KCNS3: variants seen among roughly 807,000 people sequenced by gnomAD.
The protein encoded by KCNS3 is potassium voltage-gated channel modifier subfamily S member 3.
In KCNS3, 13 loss-of-function variants were observed where a neutral mutation model predicts 31.0. That is an observed-to-expected ratio of 0.42 (90% CI 0.27 to 0.67). The LOEUF (loss-of-function observed/expected upper bound fraction) is 0.67. Among genes scored for constraint, KCNS3 ranks in the 30% least tolerant of loss-of-function variants. KCNS3 has a pLI of 0.25. For missense variants in KCNS3, 545 were observed against 622.4 expected, an observed-to-expected ratio of 0.88 and a Z score of 1.32; for synonymous variants, 238 against 241.5, an observed-to-expected ratio of 0.99 and a Z score of 0.13.
chr2:17,909,256 C>G (rs980533959), intron 1 of KCNS3, among the ~76,000 whole-genome samples: 2 of 152,140 alleles, frequency 1.3e-5, no homozygotes, highest in East Asian at 1.9e-4. Context: ...ACCCTCCAAG[C>G]CATGCATGGG....
At chr2:17,900,629 A>G (rs138497937) in intron 1 of KCNS3, among the ~76,000 whole-genome samples, 1 of 152,238 alleles carries the variant, frequency 6.6e-6, no homozygotes, top group East Asian at 1.9e-4. Context: ...AGCTGGGACT[A>G]CAGGCGTGTG....
chr2:17,888,200 T>G (rs936859150), intron 1 of KCNS3, among the ~76,000 whole-genome samples: 2 of 152,156 alleles, frequency 1.3e-5, no homozygotes, highest in Non-Finnish European at 2.9e-5. Context: ...TCCCAGCTAT[T>G]TATCTTTGTT....
At chr2:17,928,694 T>C (rs1348729055) in intron 2 of KCNS3, among the ~76,000 whole-genome samples, 1 of 151,912 alleles carries the variant, frequency 6.6e-6, no homozygotes, top group Non-Finnish European at 1.5e-5. Flanking sequence ...AGGAGGAATT[T>C]GTTCTCTTGC....
intron 2 of KCNS3, among the ~76,000 whole-genome samples, chr2:17,927,904 G>C (rs1662873814): frequency 6.6e-6 from 1 of 152,168 alleles, no homozygotes; most frequent in South Asian, 2.1e-4. Flanking sequence ...TGGGCTTTCT[G>C]GACAGAACCA....
chr2:17,907,938 T>G (rs1414224580), intron 1 of KCNS3, among the ~76,000 whole-genome samples: 1 of 152,222 alleles, frequency 6.6e-6, no homozygotes, highest in African/African-American at 2.4e-5. Flanking sequence ...ATTGTGTGTC[T>G]TGGAGTTGCT....
chr2:17,914,886 GGCAACC>G (rs1662553664), intron 1 of KCNS3, among the ~76,000 whole-genome samples: 1 of 152,110 alleles, frequency 6.6e-6, no homozygotes, highest in Admixed American at 6.6e-5. Flanking sequence ...GTTTTTGGAG[GGCAACC>G]TTACTCCTAT....
intron 1 of KCNS3, among the ~76,000 whole-genome samples, chr2:17,893,940 GTTTTTTTTT>G (rs5829612): frequency 6.1e-5 from 6 of 98,900 alleles, no homozygotes; most frequent in African/African-American, 2.2e-4. Context: ...CCAGGAGCCA[GTTTTTTTTT>G]TTTTTTTTTT....
intron 1 of KCNS3, among the ~76,000 whole-genome samples, chr2:17,880,483 T>C (rs959521192): frequency 2.0e-5 from 3 of 152,250 alleles, no homozygotes. Flanking sequence ...CTAGGAATTG[T>C]CAATATTGGG....
In KCNS3 at chr2:17,903,415, G is replaced by A. The variant is rs181128122; in HGVS notation, c.-251-14265G>A. On this transcript the variant is annotated intron_variant, in intron 1 of 2. Coordinates refer to ENST00000304101, the MANE Select transcript of KCNS3 (RefSeq NM_002252.5). The stretch of plus-strand genomic sequence containing the variant: ...ATGCTGTGGATTAAAAATAAAGCAA[G>A]GAAGGGGGTTGAAGTTTTAGGGGGT... 4.5e-4 allele frequency among the ~76,000 whole-genome samples: 68 copies of A among 152,064 alleles called. 1 individual carries two copies. Among genetic ancestry groups the A allele is most frequent in the Middle Eastern group, 6.8e-3 (2 of 294 alleles).
chr2:17,909,841 A>G (rs1347612227), intron 1 of KCNS3, among the ~76,000 whole-genome samples: 1 of 152,216 alleles, frequency 6.6e-6, no homozygotes, highest in Non-Finnish European at 1.5e-5. Context: ...TGAGAGGAGT[A>G]GGAGGTAAGA....
At chr2:17,892,792 A>G (rs1161289935) in intron 1 of KCNS3, among the ~76,000 whole-genome samples, 1 of 152,112 alleles carries the variant, frequency 6.6e-6, no homozygotes, top group African/African-American at 2.4e-5. Flanking sequence ...TGAACTGTCT[A>G]TGGGTCTCTC....
At chr2:17,903,855 C>A (rs1056073626) in intron 1 of KCNS3, among the ~76,000 whole-genome samples, 4 of 152,116 alleles carry the variant, frequency 2.6e-5, no homozygotes, top group Non-Finnish European at 4.4e-5. Context: ...TCCAGTCTAT[C>A]ATTGATGGAC....
intron 1 of KCNS3, among the ~76,000 whole-genome samples, chr2:17,881,779 T>C (rs1223097549): frequency 1.3e-5 from 2 of 152,204 alleles, no homozygotes; most frequent in Admixed American, 6.5e-5. Flanking sequence ...ACTACATTTG[T>C]TGAACAGTGA....
intron 1 of KCNS3, among the ~76,000 whole-genome samples, chr2:17,891,984 C>T (rs1473773638): frequency 2.0e-5 from 3 of 152,114 alleles, no homozygotes; most frequent in East Asian, 1.9e-4. Flanking sequence ...CTAGCATGGC[C>T]GGGGAGGTTT....
chr2:17,911,077 C>T (rs1048900344), intron 1 of KCNS3, among the ~76,000 whole-genome samples: 2 of 152,180 alleles, frequency 1.3e-5, no homozygotes, highest in African/African-American at 4.8e-5. Flanking sequence ...GGATTATCTC[C>T]AAATACTACC....
In KCNS3 at chr2:17,881,784, C is replaced by T. The variant is rs187551263; in HGVS notation, c.-252+2978C>T. Among the ~76,000 whole-genome samples the T allele has an allele frequency of 2.5e-3, 387 of 152,160 alleles. 1 individual carries two copies. The highest frequency in any genetic ancestry group is 8.6e-3 in the African/African-American group (357 of 41,494). Reference sequence around the variant, plus strand: ...GGGATCTCGGACTACATTTGTTGAACAGTGACAGAGGGGGCTTACAGTTAC... The same window carrying T: ...GGGATCTCGGACTACATTTGTTGAATAGTGACAGAGGGGGCTTACAGTTAC... On this transcript the variant is annotated intron_variant, in intron 1 of 2. Transcript: ENST00000304101.
At position 17,908,868 on chromosome 2, in the gene KCNS3, CT is replaced by C; in HGVS notation, c.-251-8811del. ...GGCCGTGTGAAGTGTCAGTCTGCCCCTACTGGGGGGTGCCTCCCAGATAGGC... is the reference window on the plus strand; with the variant it reads ...GGCCGTGTGAAGTGTCAGTCTGCCCCACTGGGGGGTGCCTCCCAGATAGGC... On this transcript the variant is annotated intron_variant, in intron 1 of 2. Transcript: ENST00000304101. Among the ~76,000 whole-genome samples the C allele has an allele frequency of 2.0e-5, 3 of 152,336 alleles. No individual in the cohort carries two copies. In the East Asian group the frequency reaches 5.8e-4, roughly 29 times the overall value.
intron 1 of KCNS3, among the ~76,000 whole-genome samples, chr2:17,913,214 A>C (rs1010451841): frequency 6.6e-6 from 1 of 152,232 alleles, no homozygotes; most frequent in African/African-American, 2.4e-5. Context: ...GTTATTATTC[A>C]TATAATTTTA....
Position 17,931,580 on chromosome 2 carries a change from C to T in KCNS3, c.572C>T (p.Ser191Phe). 1.2e-6 allele frequency: 2 copies of T among 1,614,180 alleles called. No individual in the cohort carries two copies. Among genetic ancestry groups the T allele is most frequent in the Non-Finnish European group, 1.7e-6 (2 of 1,180,022 alleles). The part of the protein sequence containing the change: ...CLSAKLIAIS[S>F]LSVVLASIVA... ...TCCGCTAAGCTTATCGCTATCTCCTCCTTGAGCGTGGTGCTGGCCTCCATC... is the reference window on the plus strand; with the variant it reads ...TCCGCTAAGCTTATCGCTATCTCCTTCTTGAGCGTGGTGCTGGCCTCCATC... Residue 191 changes from serine to phenylalanine, a missense_variant, in exon 3 of 3, where the codon TCC (serine) becomes TTC (phenylalanine). Physicochemically the swap from Ser to Phe is radical, Grantham distance 155. Coordinates refer to ENST00000304101, the MANE Select transcript of KCNS3 (RefSeq NM_002252.5). This position sits in a 1 kb window ranked among gnomAD's most constrained non-coding sequence, Gnocchi z 5.4.
Sources: allele counts gnomAD v4.1 joint callset (sites outside exome capture counted in the v4.1 genomes callset), GRCh38; gene constraint gnomAD v4.1.1; non-coding constraint Gnocchi (gnomAD v3.1); transcripts MANE v1.5; gene names NCBI Gene and HGNC (gene_info 2026-07-23, HGNC 2026-07-21).